The following PLSCR1 variants were observed in gnomAD, a reference collection of about 807,000 sequenced individuals.
The protein encoded by PLSCR1 is phospholipid scramblase 1, also known as PL scramblase 1.
Under a neutral mutation model 37.8 loss-of-function variants are expected in PLSCR1, and 17 were observed. The ratio of observed to expected loss-of-function variants is 0.45; its 90% CI spans 0.31 to 0.68. The LOEUF (loss-of-function observed/expected upper bound fraction) is 0.68. Among genes scored for constraint, PLSCR1 ranks in the 30% least tolerant of loss-of-function variants. The pLI is 0.06. For missense variants in PLSCR1, 347 were observed against 380.9 expected, an observed-to-expected ratio of 0.91 and a Z score of 0.74; for synonymous variants, 116 against 125.9, an observed-to-expected ratio of 0.92 and a Z score of 0.53.
At chr3:146,528,405 G>T (rs908944087) in intron 4 of PLSCR1, 4 of 579,640 alleles carry the variant, frequency 6.9e-6, no homozygotes, top group Non-Finnish European at 1.2e-5. Flanking sequence ...ATCATAGATT[G>T]TATTTAAGAT....
intron 2 of PLSCR1, among the ~76,000 whole-genome samples, chr3:146,534,383 C>T (rs1442705417): frequency 6.6e-6 from 1 of 152,144 alleles, no homozygotes; most frequent in Non-Finnish European, 1.5e-5. Context: ...GAATTACTAA[C>T]TGTAAATTCA....
intron 7 of PLSCR1, among the ~76,000 whole-genome samples, chr3:146,521,175 T>C (rs1309692546): frequency 6.6e-6 from 1 of 152,204 alleles, no homozygotes; most frequent in Admixed American, 6.5e-5. Context: ...TGGCAGATGA[T>C]ATTTCAGATT....
chr3:146,536,434 A>C lies in PLSCR1; in HGVS notation c.13+106T>G, dbSNP rs1038819688. 2.0e-5 allele frequency: 14 copies of C among 693,858 alleles called. No individual in the cohort carries two copies. The African/African-American group carries it at 2.1e-4, about 11-fold the overall frequency. The allele number at this position is 693,858 out of a possible 1,614,324, so 43.0% of individuals were successfully genotyped here. ...TTCTGGAGCATAAACAACAGAAAACAAATTATACACTTTCAGACACTGAAT... is the reference window on the plus strand; with the variant it reads ...TTCTGGAGCATAAACAACAGAAAACCAATTATACACTTTCAGACACTGAAT... On this transcript the variant is annotated intron_variant, in intron 2 of 8. Coordinates refer to ENST00000342435, the MANE Select transcript of PLSCR1 (RefSeq NM_021105.3).
At chr3:146,527,309 T>C (rs886181580) in intron 4 of PLSCR1, among the ~76,000 whole-genome samples, 2 of 152,190 alleles carry the variant, frequency 1.3e-5, no homozygotes, top group Non-Finnish European at 2.9e-5. Flanking sequence ...TTATTGTATA[T>C]TTTCAAATAG....
At chr3:146,536,814 G>A in intron 1 of PLSCR1, 2 of 374,026 alleles carry the variant, frequency 5.3e-6, no homozygotes, top group Non-Finnish European at 1.0e-5. Context: ...AGCCTTTTGG[G>A]AAGAGGGTCC....
At chr3:146,540,356 T>C (rs1460404340) in intron 1 of PLSCR1, among the ~76,000 whole-genome samples, 2 of 152,180 alleles carry the variant, frequency 1.3e-5, no homozygotes, top group African/African-American at 2.4e-5. Context: ...TAAGTTCCCA[T>C]TGCTTCTCTG....
At chr3:146,531,828 G>A (rs193244271) in intron 3 of PLSCR1, among the ~76,000 whole-genome samples, 3 of 152,220 alleles carry the variant, frequency 2.0e-5, no homozygotes, top group African/African-American at 7.2e-5. Flanking sequence ...TATTAGTACA[G>A]AAGGCAGAAC....
At chr3:146,538,783 T>C (rs1327114581) in intron 1 of PLSCR1, among the ~76,000 whole-genome samples, 1 of 152,150 alleles carries the variant, frequency 6.6e-6, no homozygotes, top group African/African-American at 2.4e-5. Flanking sequence ...GGATTGCAGA[T>C]CTATACATCT....
intron 7 of PLSCR1, 180 bp from the exon 8 acceptor site, chr3:146,517,347 A>G (rs748646410): frequency 1.5e-5 from 5 of 335,542 alleles, no homozygotes; most frequent in Non-Finnish European, 2.7e-5. Context: ...GTTTCATTGT[A>G]CGGAGAAATT....
intron 5 of PLSCR1, among the ~76,000 whole-genome samples, chr3:146,524,487 T>C: frequency 6.6e-6 from 1 of 151,864 alleles, no homozygotes. Context: ...AATTAAAAAC[T>C]GTTAGATTTG....
At chr3:146,516,227 T>C (rs1464572860) in intron 8 of PLSCR1, 126 bp from the exon 9 acceptor site, 10 of 545,316 alleles carry the variant, frequency 1.8e-5, no homozygotes, top group Admixed American at 7.3e-5. Flanking sequence ...TTAAATGTAA[T>C]AAGTAAATAT....
intron 8 of PLSCR1, 79 bp from the exon 9 acceptor site, chr3:146,516,180 G>A: frequency 2.5e-6 from 2 of 814,512 alleles, no homozygotes; most frequent in South Asian, 1.6e-5. Flanking sequence ...AATACTAAGG[G>A]ATCTAGTGAA....
chr3:146,523,783 T>C (rs545932316), intron 5 of PLSCR1, among the ~76,000 whole-genome samples: 3 of 152,368 alleles, frequency 2.0e-5, no homozygotes, highest in Admixed American at 2.0e-4. Context: ...ACATACTTTG[T>C]ATCAAGGGCT....
intron 4 of PLSCR1, chr3:146,527,961 T>A (rs1267082606): frequency 6.6e-6 from 1 of 152,316 alleles, no homozygotes; most frequent in African/African-American, 2.4e-5. Flanking sequence ...TACTCCTTTA[T>A]TAATGGCATT....
chr3:146,525,583 G>C, intron 5 of PLSCR1, 22 bp downstream of exon 5: 1 of 1,294,978 alleles, frequency 7.7e-7, no homozygotes, highest in Non-Finnish European at 1.1e-6. Context: ...ATAGAAACAG[G>C]ATTAAAACAA....
chr3:146,515,992 G>T lies in PLSCR1; in HGVS notation c.*53C>A. On this transcript the variant is annotated 3_prime_UTR_variant, in exon 9 of 9. Coordinates refer to ENST00000342435, the MANE Select transcript of PLSCR1 (RefSeq NM_021105.3). ...ATTCATACAGGTATGAGTTTAGATA[G>T]TCTCAATCAATATACAGACTTCAGA... is the stretch of plus-strand genomic sequence containing the variant. The T allele has an allele frequency of 9.0e-7, 1 of 1,114,886 alleles. No individual in the cohort carries two copies. The highest frequency in any genetic ancestry group is 1.4e-6 in the Non-Finnish European group (1 of 728,906). 69.1% of individuals were successfully genotyped at this position (1,114,886 alleles called of 1,614,324 possible). A position where few individuals can be genotyped will look rare whatever the true frequency, so the allele number is the denominator to read the frequency against.
chr3:146,524,085 C>T (rs539643320), intron 5 of PLSCR1, among the ~76,000 whole-genome samples: 5 of 152,158 alleles, frequency 3.3e-5, no homozygotes, highest in South Asian at 4.1e-4. Context: ...ATAGGAACAA[C>T]GTCTGATTTC....
Position 146,515,839 on chromosome 3 carries a change from T to G in PLSCR1, c.*206A>C, listed in dbSNP as rs2043938448. On this transcript the variant is annotated 3_prime_UTR_variant, in exon 9 of 9. Transcript: ENST00000342435. Reference sequence around the variant, plus strand: ...ATTAATAAATGCAAAAACTCATATGTCCTTTTTCTCAAATTGACAATGAGT... The same window carrying G: ...ATTAATAAATGCAAAAACTCATATGGCCTTTTTCTCAAATTGACAATGAGT... 2.5e-6 allele frequency: 1 copy of G among 395,802 alleles called. No individual in the cohort carries two copies. Among genetic ancestry groups the G allele is most frequent in the African/African-American group, 2.1e-5 (1 of 48,188 alleles). 24.5% of individuals were successfully genotyped at this position (395,802 alleles called of 1,614,324 possible). A position where few individuals can be genotyped will look rare whatever the true frequency, so the allele number is the denominator to read the frequency against.
chr3:146,524,967 C>T (rs2044086068), intron 5 of PLSCR1, among the ~76,000 whole-genome samples: 1 of 152,158 alleles, frequency 6.6e-6, no homozygotes, highest in Non-Finnish European at 1.5e-5. Context: ...GGGTCTTCTT[C>T]CCCTGGCAGC....
Sources: allele counts gnomAD v4.1 joint callset (sites outside exome capture counted in the v4.1 genomes callset), GRCh38; gene constraint gnomAD v4.1.1; transcripts MANE v1.5; gene names NCBI Gene and HGNC (gene_info 2026-07-23, HGNC 2026-07-21).